Variants in FBXO4 observed in about 807,000 individuals in gnomAD.
FBXO4 encodes the protein F-box protein 4, also known as F-box only protein 4.
Under a neutral mutation model 43.7 loss-of-function variants are expected in FBXO4, and 36 were observed. The observed-to-expected ratio is 0.82, with a 90% CI of 0.63 to 1.09. The LOEUF is 1.09. Among genes scored for constraint, FBXO4 ranks in the 50% least tolerant of loss-of-function variants. The probability of loss-of-function intolerance (pLI) is 0.00; values close to 1 mark genes in which losing one functional copy is unlikely to be tolerated. For synonymous variants in FBXO4, 180 were observed against 165.6 expected (o/e 1.09, Z -0.67); for missense variants, 435 against 474.1 (o/e 0.92, Z 0.77).
At chr5:42,022,286 T>C in the FBXO4 span, among the ~76,000 whole-genome samples, 19 of 152,280 alleles carry the variant, frequency 1.2e-4, no homozygotes, top group African/African-American at 4.3e-4. Context: ...AACATGCCAA[T>C]TCATATGCAC....
At chr5:42,008,631 G>T in the FBXO4 span, among the ~76,000 whole-genome samples, 1 of 152,006 alleles carries the variant, frequency 6.6e-6, no homozygotes, top group African/African-American at 2.4e-5. Context: ...GTGTGTGGGG[G>T]AATCTCTTTT....
In FBXO4 at chr5:41,936,390, C is replaced by T. The variant is rs184293451; in HGVS notation, c.898+2082C>T. Among the ~76,000 whole-genome samples, 20 of 152,156 alleles carry T rather than the reference C, an allele frequency of 1.3e-4. No individual in the cohort carries two copies. The East Asian group carries it at 3.9e-3, about 29-fold the overall frequency. On this transcript the variant is annotated intron_variant, in intron 5 of 6. Coordinates refer to ENST00000281623, the MANE Select transcript of FBXO4 (RefSeq NM_012176.3). ...TCTACCAAGAATACCAAAAATTAGC[C>T]AGGCATGGTGGCACGTGCCTGTAGT...
At chr5:41,925,601 T>A in intron 1 of FBXO4, 103 bp downstream of exon 1, 1 of 867,120 alleles carries the variant, frequency 1.2e-6, no homozygotes, top group Non-Finnish European at 1.6e-6. Flanking sequence ...CGCCCCGGCC[T>A]GGGTCTGGCT....
At chr5:41,942,099 T>G (rs1401292558), downstream of FBXO4, among the ~76,000 whole-genome samples, 3 of 152,108 alleles carry the variant, frequency 2.0e-5, no homozygotes, top group East Asian at 5.8e-4. Flanking sequence ...TATTTAAATG[T>G]ATTTCTGTTT....
At chr5:41,999,495 A>ATATATATG in the FBXO4 span, among the ~76,000 whole-genome samples, 1 of 54,946 alleles carries the variant, frequency 1.8e-5, no homozygotes, top group Admixed American at 1.9e-4. Flanking sequence ...ATATATATAC[A>ATATATATG]TATATATATG....
chr5:41,927,592 C>G (rs553862000), intron 2 of FBXO4, among the ~76,000 whole-genome samples: 12 of 152,044 alleles, frequency 7.9e-5, no homozygotes, highest in Non-Finnish European at 1.5e-4. Context: ...ATCAGAGACC[C>G]CTGTTGTTTG....
At chr5:42,010,530 CT>C in the FBXO4 span, among the ~76,000 whole-genome samples, 2 of 151,508 alleles carry the variant, frequency 1.3e-5, no homozygotes, top group Non-Finnish European at 2.9e-5. Context: ...AAAGAATTTA[CT>C]TCTTTTCTAA....
chr5:41,959,298 T>G, the FBXO4 span, among the ~76,000 whole-genome samples: 1 of 152,208 alleles, frequency 6.6e-6, no homozygotes, highest in African/African-American at 2.4e-5. Context: ...ATTAACTCCT[T>G]ATGAGATCTA....
the FBXO4 span, among the ~76,000 whole-genome samples, chr5:41,951,071 G>A: frequency 6.6e-6 from 1 of 152,218 alleles, no homozygotes; most frequent in South Asian, 2.1e-4. Context: ...GGGGGGTAGG[G>A]GGCTAAGGGA....
At chr5:41,936,131 T>G (rs916816412) in intron 5 of FBXO4, among the ~76,000 whole-genome samples, 2 of 152,230 alleles carry the variant, frequency 1.3e-5, no homozygotes, top group Non-Finnish European at 2.9e-5. Context: ...ACATTAAATC[T>G]AAAAATTATG....
the FBXO4 span, among the ~76,000 whole-genome samples, chr5:41,976,799 G>A: frequency 6.6e-6 from 1 of 152,168 alleles, no homozygotes; most frequent in African/African-American, 2.4e-5. Flanking sequence ...AGCTCCAGTA[G>A]GCCATGTCTG....
chr5:41,996,097 G>T, the FBXO4 span, among the ~76,000 whole-genome samples: 1,332 of 152,284 alleles, frequency 8.7e-3, 23 homozygotes, highest in African/African-American at 0.031. Context: ...AGTGCAGGCT[G>T]GGGGAGAGAA....
chr5:41,959,255 T>G, the FBXO4 span, among the ~76,000 whole-genome samples: 1 of 152,190 alleles, frequency 6.6e-6, no homozygotes, highest in East Asian at 1.9e-4. Context: ...TTTCTTACTA[T>G]TTAATTGTTT....
At chr5:42,001,880 G>A in the FBXO4 span, among the ~76,000 whole-genome samples, 1 of 151,948 alleles carries the variant, frequency 6.6e-6, no homozygotes, top group African/African-American at 2.4e-5. Flanking sequence ...TAGTAGAGGT[G>A]AAGTTTCACT....
chr5:42,026,603 T>C, the FBXO4 span, among the ~76,000 whole-genome samples: 1 of 151,890 alleles, frequency 6.6e-6, no homozygotes, highest in Non-Finnish European at 1.5e-5. Context: ...CTATGTTGAA[T>C]AACAGTGGTG....
chr5:41,939,625 A>G lies in FBXO4; in HGVS notation c.1074+9A>G. On this transcript the variant is annotated intron_variant, in intron 6 of 6. Coordinates refer to ENST00000281623, the MANE Select transcript of FBXO4 (RefSeq NM_012176.3). ...TAAATCACCCATGGCTGGTAAGATC[A>G]TTTATACTCTAGTGACAAAAATTTT... 2 of 1,592,088 alleles carry G rather than the reference A, an allele frequency of 1.3e-6. No individual in the cohort carries two copies. Among genetic ancestry groups the G allele is most frequent in the South Asian group, 1.1e-5 (1 of 87,274 alleles).
the FBXO4 span, among the ~76,000 whole-genome samples, chr5:42,003,589 A>T: frequency 3.3e-5 from 5 of 152,164 alleles, no homozygotes; most frequent in Non-Finnish European, 7.4e-5. Context: ...TTACATATGT[A>T]TACATGTGCC....
chr5:41,972,890 C>T, the FBXO4 span, among the ~76,000 whole-genome samples: 2 of 152,158 alleles, frequency 1.3e-5, no homozygotes, highest in East Asian at 1.9e-4. Context: ...GAAACTGGAC[C>T]CCTTTCTTTC....
chr5:41,971,205 G>GGTGTGT, the FBXO4 span, among the ~76,000 whole-genome samples: 23 of 147,470 alleles, frequency 1.6e-4, no homozygotes, highest in Middle Eastern at 3.5e-3. Context: ...ACTAGAGAGA[G>GGTGTGT]GTGTGTGTGT....
Sources: allele counts gnomAD v4.1 joint callset (sites outside exome capture counted in the v4.1 genomes callset), GRCh38; gene constraint gnomAD v4.1.1; transcripts MANE v1.5; gene names NCBI Gene and HGNC (gene_info 2026-07-23, HGNC 2026-07-21).